Variants in FAM133B observed in about 807,000 individuals in gnomAD.
FAM133B encodes protein FAM133B.
Under a neutral mutation model 46.4 loss-of-function variants are expected in FAM133B, and 25 were observed. That is an observed-to-expected ratio of 0.54 (90% CI 0.39 to 0.75). The LOEUF (loss-of-function observed/expected upper bound fraction) is 0.75, where lower values mean the gene tolerates loss of function less well. Ranked by LOEUF, FAM133B falls within the 30% of genes least tolerant of loss-of-function variation. The pLI, the probability that FAM133B is intolerant of heterozygous loss-of-function variation, is 0.00. For missense variants in FAM133B, 205 were observed against 277.6 expected (o/e 0.74, Z 1.86); for synonymous variants, 75 against 86.0 (o/e 0.87, Z 0.71).
At position 92,573,075 on chromosome 7, in the gene FAM133B, T is replaced by A. The variant is rs190471701; in HGVS notation, c.516+2696A>T. 6.6e-5 allele frequency among the ~76,000 whole-genome samples: 10 copies of A among 150,744 alleles called. No individual in the cohort carries two copies. The East Asian group carries it at 1.9e-3, about 29-fold the overall frequency. ...TCTGTTATTTATGAACACATACTAATATAATAAAAGTATATAAATGTGGAT... is the reference window on the plus strand; with the variant it reads ...TCTGTTATTTATGAACACATACTAAAATAATAAAAGTATATAAATGTGGAT... On this transcript the variant is annotated intron_variant, in intron 8 of 10. Coordinates refer to ENST00000445716, the MANE Select transcript of FAM133B (RefSeq NM_152789.4).
intron 9 of FAM133B, among the ~76,000 whole-genome samples, chr7:92,567,307 T>C (rs1240291505): frequency 1.3e-5 from 2 of 152,236 alleles, no homozygotes; most frequent in Non-Finnish European, 2.9e-5. Context: ...ATATTTCATA[T>C]TAAACTTGCT....
At position 92,566,047 on chromosome 7, in the gene FAM133B, C is replaced by T; in HGVS notation, c.624G>A (p.Lys208=). ...TTTCTCGTTCTTCACTGCTTTTCTT[C>T]TTTTTTGCTCGCACCTAGAAAGTTT... ...SEYIEEVRAK[K]KKSSEEREKA... Residue 208 remains lysine (K), a synonymous_variant, in exon 10 of 11, where the codon AAG becomes AAA. Transcript: ENST00000445716. The T allele has an allele frequency of 1.9e-6, 3 of 1,613,688 alleles. No individual in the cohort carries two copies. Among genetic ancestry groups the T allele is most frequent in the Non-Finnish European group, 1.7e-6 (2 of 1,179,822 alleles).
At chr7:92,579,952 C>T (rs1205617846) in intron 2 of FAM133B, among the ~76,000 whole-genome samples, 1 of 152,174 alleles carries the variant, frequency 6.6e-6, no homozygotes, top group Non-Finnish European at 1.5e-5. Context: ...CCTAGGTGGG[C>T]ATCTGGGAAC....
At chr7:92,581,636 G>A in intron 1 of FAM133B, 33 bp from the exon 2 acceptor site, 1 of 1,561,408 alleles carries the variant, frequency 6.4e-7, no homozygotes, top group South Asian at 1.1e-5. Context: ...ATCCATTAAA[G>A]CAATCATTAA....
At chr7:92,572,494 C>T (rs1227966605) in intron 8 of FAM133B, among the ~76,000 whole-genome samples, 1 of 152,064 alleles carries the variant, frequency 6.6e-6, no homozygotes, top group Admixed American at 6.6e-5. Context: ...CTGAGGTGGG[C>T]GGATCACGTG....
At chr7:92,566,878 A>G (rs763435325) in intron 9 of FAM133B, among the ~76,000 whole-genome samples, 9 of 152,176 alleles carry the variant, frequency 5.9e-5, no homozygotes, top group Non-Finnish European at 1.0e-4. Flanking sequence ...TCCCATTTAT[A>G]TTTTATTTCA....
At position 92,562,321 on chromosome 7, in the gene FAM133B, C is replaced by A; in HGVS notation, c.705G>T (p.Lys235Asn). 6.5e-7 allele frequency: 1 copy of A among 1,534,682 alleles called. No homozygotes were observed. Among genetic ancestry groups the A allele is most frequent in the Admixed American group, 2.0e-5 (1 of 50,814 alleles). ...GACTTGAACTAGCAGCCTTCTTTTT[C>A]TTCTTCTTACTGTGTTTCTTATGCT... ...KKKHKKHSKK[K>N]KKKAASSSPD... The change falls in exon 11 of 11, where the codon AAG becomes AAT. Residue 235 changes from lysine (K) to asparagine (N), a missense_variant. Coordinates refer to ENST00000445716, the MANE Select transcript of FAM133B (RefSeq NM_152789.4).
chr7:92,587,019 A>G (rs1355207166), intron 1 of FAM133B, among the ~76,000 whole-genome samples: 1 of 152,228 alleles, frequency 6.6e-6, no homozygotes, highest in East Asian at 1.9e-4. Context: ...CATGAAATGT[A>G]ACAAATGTAC....
chr7:92,576,916 T>C (rs776172544), intron 7 of FAM133B, among the ~76,000 whole-genome samples, 187 bp downstream of exon 7: 4 of 152,224 alleles, frequency 2.6e-5, no homozygotes, highest in Admixed American at 1.3e-4. Context: ...TGGAGATATA[T>C]ATATATGAAA....
chr7:92,564,396 T>C (rs1287814203), intron 10 of FAM133B, among the ~76,000 whole-genome samples: 2 of 152,212 alleles, frequency 1.3e-5, no homozygotes, highest in Non-Finnish European at 2.9e-5. Flanking sequence ...TAGAGTTGCT[T>C]CATACATACA....
rs371337331 is a variant in FAM133B, at chr7:92,565,998, G to A, written c.657+16C>T. ...CACCTATTCTATTGTCTGTAAAAAC[G>A]TTAAGAGATACTTGCTGTTGCTTTT... On this transcript the variant is annotated intron_variant, in intron 10 of 10. Coordinates refer to ENST00000445716, the MANE Select transcript of FAM133B (RefSeq NM_152789.4). 11 of 1,613,210 alleles carry A rather than the reference G, an allele frequency of 6.8e-6. No individual in the cohort carries two copies. The African/African-American group carries it at 8.0e-5, about 12-fold the overall frequency.
At position 92,566,096 on chromosome 7, in the gene FAM133B, C is replaced by T. The variant is rs981669149; in HGVS notation, c.610-35G>A. 12 of 1,605,356 alleles carry T rather than the reference C, an allele frequency of 7.5e-6. No individual in the cohort carries two copies. In the African/African-American group the frequency reaches 1.3e-4, roughly 18 times the overall value. On this transcript the variant is annotated intron_variant, in intron 9 of 10. Coordinates refer to ENST00000445716, the MANE Select transcript of FAM133B (RefSeq NM_152789.4). ...TTAAATTTTTGTGGAGAACAGAAGA[C>T]AAACATGTAATTTGTACTCAAGGCA...
chr7:92,576,501 T>C (rs572420620), intron 7 of FAM133B, among the ~76,000 whole-genome samples: 2 of 152,340 alleles, frequency 1.3e-5, no homozygotes, highest in Middle Eastern at 3.4e-3. Flanking sequence ...TTTGGTTTCC[T>C]GAGACTCTAG....
In FAM133B at chr7:92,578,139, T is replaced by C; in HGVS notation, c.309+11A>G. 1 of 1,604,978 alleles carries C rather than the reference T, an allele frequency of 6.2e-7. No individual in the cohort carries two copies. On this transcript the variant is annotated intron_variant, in intron 5 of 10. Transcript: ENST00000445716. ...TTGTAACGTTTAGAAAAATGGAAAA[T>C]TTTTGCTCACCCTACCAGATTTCTT...
In FAM133B at chr7:92,578,172, T is replaced by G; in HGVS notation, c.287A>C (p.Lys96Thr). The change falls in exon 5 of 11, where the codon AAA (lysine) becomes ACA (threonine). Residue 96 changes from lysine to threonine, a missense_variant. Physicochemically the swap from Lys to Thr is moderately conservative, Grantham distance 78. Coordinates refer to ENST00000445716, the MANE Select transcript of FAM133B (RefSeq NM_152789.4). ...SSSKKRQRKKKEKKKSGRYSS... is the reference protein window; with the variant it reads ...SSSKKRQRKKTEKKKSGRYSS... Reference sequence around the variant, plus strand: ...CACCCTACCAGATTTCTTCTTTTCTTTTTTCTTTCTCTAAATGGAAACAAA... The same window carrying G: ...CACCCTACCAGATTTCTTCTTTTCTGTTTTCTTTCTCTAAATGGAAACAAA... 6.2e-7 allele frequency: 1 copy of G among 1,610,660 alleles called. No homozygotes were observed.
At chr7:92,566,473 A>G (rs1414183627) in intron 9 of FAM133B, among the ~76,000 whole-genome samples, 1 of 151,992 alleles carries the variant, frequency 6.6e-6, no homozygotes, top group Non-Finnish European at 1.5e-5. Context: ...ACCAAGAAAA[A>G]AAAAAAAGAA....
chr7:92,570,487 T>TA (rs1391761334), intron 8 of FAM133B, among the ~76,000 whole-genome samples: 1 of 151,504 alleles, frequency 6.6e-6, no homozygotes, highest in Admixed American at 6.6e-5. Context: ...TTTGAAGAAA[T>TA]AAAAAAAAAT....
intron 1 of FAM133B, among the ~76,000 whole-genome samples, chr7:92,588,586 T>C (rs1219959406): frequency 6.6e-6 from 1 of 152,220 alleles, no homozygotes; most frequent in Non-Finnish European, 1.5e-5. Flanking sequence ...TTATAAAGAC[T>C]ATACAGAACT....
intron 1 of FAM133B, among the ~76,000 whole-genome samples, chr7:92,582,062 G>A (rs1361718385): frequency 1.3e-5 from 2 of 151,958 alleles, no homozygotes; most frequent in East Asian, 1.9e-4. Context: ...CAGCCTGGCC[G>A]ACGTGGTGAA....
Sources: gnomAD v4.1 joint callset for allele counts (sites outside exome capture counted in the v4.1 genomes callset) on GRCh38, gnomAD v4.1.1 for gene constraint, MANE v1.5 for transcripts, NCBI Gene and HGNC (gene_info 2026-07-23, HGNC 2026-07-21) for gene names.